Variants in DNAJC13 observed in about 807,000 individuals in gnomAD.
DNAJC13 encodes dnaJ homolog subfamily C member 13.
DNAJC13 carries 75 observed loss-of-function variants against 290.5 expected under a neutral mutation model. The observed-to-expected ratio is 0.26, with a 90% confidence interval of 0.21 to 0.31. The LOEUF (loss-of-function observed/expected upper bound fraction) is 0.31, where lower values mean the gene tolerates loss of function less well. Ranked by LOEUF, DNAJC13 falls within the 10% of genes least tolerant of loss-of-function variation. The probability of loss-of-function intolerance (pLI) is 1.00; values close to 1 mark genes in which losing one functional copy is unlikely to be tolerated. For missense variants in DNAJC13, 2,260 were observed against 2,674.5 expected (o/e 0.85, Z 3.42); for synonymous variants, 862 against 892.0 (o/e 0.97, Z 0.60).
Position 132,469,732 on chromosome 3 carries a change from A to G in DNAJC13, c.2208+2419A>G, listed in dbSNP as rs150099449. 5.2e-3 allele frequency among the ~76,000 whole-genome samples: 788 copies of G among 152,144 alleles called. 17 individuals carry two copies. Among genetic ancestry groups the G allele is most frequent in the South Asian group, 0.019 (94 of 4,824 alleles). The stretch of plus-strand genomic sequence containing the variant: ...GTGCACAGAATTAAAATTTGTAGGA[A>G]ACATTTTCTTATATAACTTTTAGGG... On this transcript the variant is annotated intron_variant, in intron 20 of 55. Coordinates refer to ENST00000260818, the MANE Select transcript of DNAJC13 (RefSeq NM_015268.4).
At chr3:132,484,935 G>T (rs2107700452) in intron 29 of DNAJC13, among the ~76,000 whole-genome samples, 1 of 151,802 alleles carries the variant, frequency 6.6e-6, no homozygotes, top group South Asian at 2.1e-4. Context: ...AAAGTAAATG[G>T]CCGCCAGGCA....
At chr3:132,448,293 G>A (rs932483977) in intron 5 of DNAJC13, among the ~76,000 whole-genome samples, 1 of 152,140 alleles carries the variant, frequency 6.6e-6, no homozygotes, top group Non-Finnish European at 1.5e-5. Flanking sequence ...TCATTGTTTG[G>A]TGTAGGAGTT....
intron 20 of DNAJC13, among the ~76,000 whole-genome samples, chr3:132,467,688 A>G (rs111756622): frequency 0.029 from 4,410 of 151,730 alleles, 207 homozygotes; most frequent in African/African-American, 0.1. Flanking sequence ...GATGGTCTCA[A>G]TCTCCTGACC....
chr3:132,491,924 G>T (rs530074770), intron 32 of DNAJC13, among the ~76,000 whole-genome samples: 1 of 152,104 alleles, frequency 6.6e-6, no homozygotes, highest in African/African-American at 2.4e-5. Context: ...TAGCAACACA[G>T]TTCTTCTGTG....
At chr3:132,428,654 C>T (rs1466996700) in intron 1 of DNAJC13, among the ~76,000 whole-genome samples, 1 of 151,974 alleles carries the variant, frequency 6.6e-6, no homozygotes, top group Non-Finnish European at 1.5e-5. Context: ...AGTAATTGAA[C>T]TCTCTTTAAA....
At chr3:132,430,473 C>T (rs1218029768) in intron 1 of DNAJC13, among the ~76,000 whole-genome samples, 1 of 151,784 alleles carries the variant, frequency 6.6e-6, no homozygotes, top group Admixed American at 6.6e-5. Context: ...TTATTTTTCT[C>T]TGCCTTTCAT....
intron 2 of DNAJC13, among the ~76,000 whole-genome samples, chr3:132,442,001 C>T (rs960589318): frequency 7.1e-6 from 1 of 141,524 alleles, no homozygotes. Context: ...TGACCTAACA[C>T]ATTGGTTTTT....
At chr3:132,484,472 T>C (rs1576491230) in intron 28 of DNAJC13, 116 bp from the exon 29 acceptor site, 2 of 856,102 alleles carry the variant, frequency 2.3e-6, no homozygotes, top group East Asian at 5.1e-5. Context: ...GAGAGCTTAG[T>C]CTTCATTAAC....
chr3:132,453,219 C>A, intron 6 of DNAJC13, 79 bp from the exon 7 acceptor site: 1 of 1,328,544 alleles, frequency 7.5e-7, no homozygotes, highest in Non-Finnish European at 1.0e-6. Context: ...TACTTTAATA[C>A]CTTTCCTATG....
At chr3:132,482,711 T>C (rs541621859) in intron 27 of DNAJC13, among the ~76,000 whole-genome samples, 1 of 151,878 alleles carries the variant, frequency 6.6e-6, no homozygotes, top group Non-Finnish European at 1.5e-5. Context: ...AAAAAATAAT[T>C]AGCTAAGCAT....
chr3:132,529,328 A>T (rs937367351), intron 54 of DNAJC13, among the ~76,000 whole-genome samples: 1 of 152,098 alleles, frequency 6.6e-6, no homozygotes, highest in East Asian at 1.9e-4. Context: ...TTATCCATTC[A>T]TCTATTGATG....
intron 22 of DNAJC13, 93 bp from the exon 23 acceptor site, chr3:132,477,696 G>A (rs1419919866): frequency 2.3e-6 from 2 of 878,206 alleles, no homozygotes; most frequent in African/African-American, 1.7e-5. Flanking sequence ...TAAGAAATAA[G>A]TTTTGAACAG....
chr3:132,486,773 T>G (rs1279854654), intron 29 of DNAJC13, among the ~76,000 whole-genome samples: 2 of 152,194 alleles, frequency 1.3e-5, no homozygotes, highest in African/African-American at 4.8e-5. Flanking sequence ...TTAAGAGCAG[T>G]CATCATTTTT....
chr3:132,491,765 G>A lies in DNAJC13; in HGVS notation c.3624-649G>A, dbSNP rs7652806. Reference sequence around the variant, plus strand: ...TCTTCTATGTCAATTACTGACCCTCGTCAGACTGCACACACTCCATGCCAC... The same window carrying A: ...TCTTCTATGTCAATTACTGACCCTCATCAGACTGCACACACTCCATGCCAC... On this transcript the variant is annotated intron_variant, in intron 32 of 55. Transcript: ENST00000260818. 4.4e-3 allele frequency among the ~76,000 whole-genome samples: 672 copies of A among 152,046 alleles called. 6 individuals carry two copies. Among genetic ancestry groups the A allele is most frequent in the African/African-American group, 0.014 (600 of 41,486 alleles).
intron 7 of DNAJC13, 24 bp downstream of exon 7, chr3:132,453,528 A>G: frequency 6.2e-7 from 1 of 1,610,526 alleles, no homozygotes; most frequent in Non-Finnish European, 8.5e-7. Context: ...GTTAAAAATG[A>G]AAATTTGTTC....
chr3:132,477,712 A>G (rs1468317269), intron 22 of DNAJC13, 77 bp from the exon 23 acceptor site: 5 of 995,872 alleles, frequency 5.0e-6, no homozygotes, highest in Non-Finnish European at 7.6e-6. Flanking sequence ...AACAGAAAGA[A>G]CTATAAGAAA....
At chr3:132,510,515 C>T (rs577843545) in intron 43 of DNAJC13, among the ~76,000 whole-genome samples, 10 of 152,156 alleles carry the variant, frequency 6.6e-5, no homozygotes, top group African/African-American at 2.4e-4. Flanking sequence ...AAGCCACTGC[C>T]CCTGGCTTGT....
chr3:132,512,031 T>TA (rs1186690566), intron 44 of DNAJC13, among the ~76,000 whole-genome samples: 2 of 152,190 alleles, frequency 1.3e-5, no homozygotes, highest in East Asian at 3.8e-4. Context: ...TTACAAGATG[T>TA]ACATTGGGAT....
intron 41 of DNAJC13, among the ~76,000 whole-genome samples, chr3:132,504,787 T>C (rs1935534024): frequency 6.6e-6 from 1 of 152,178 alleles, no homozygotes; most frequent in Non-Finnish European, 1.5e-5. Flanking sequence ...TCATAATCTA[T>C]GCCTGCAGAA....
Sources: gnomAD v4.1 joint callset for allele counts (sites outside exome capture counted in the v4.1 genomes callset) on GRCh38, gnomAD v4.1.1 for gene constraint, MANE v1.5 for transcripts, NCBI Gene and HGNC (gene_info 2026-07-23, HGNC 2026-07-21) for gene names.